RECQL: variants seen among roughly 807,000 people sequenced by gnomAD.
RECQL encodes the protein RecQ like helicase.
In RECQL, 73 loss-of-function variants were observed where a neutral mutation model predicts 75.8. The observed-to-expected ratio is 0.96, with a 90% confidence interval of 0.80 to 1.17. The LOEUF (loss-of-function observed/expected upper bound fraction) is 1.17, where lower values mean the gene tolerates loss of function less well. Ranked by LOEUF, RECQL falls within the 50% of genes most tolerant of loss-of-function variation. RECQL has a pLI of 0.00. For missense variants in RECQL, 699 were observed against 772.1 expected, an observed-to-expected ratio of 0.91 and a Z score of 1.12; for synonymous variants, 248 against 254.4, an observed-to-expected ratio of 0.97 and a Z score of 0.24.
chr12:21,488,624 C>T (rs940623062), intron 4 of RECQL, among the ~76,000 whole-genome samples: 1 of 152,144 alleles, frequency 6.6e-6, no homozygotes, highest in East Asian at 1.9e-4. Context: ...GCCAATGTAC[C>T]CCATTTCAGT....
chr12:21,497,259 C>G (rs1268827927), intron 2 of RECQL, among the ~76,000 whole-genome samples: 2 of 152,146 alleles, frequency 1.3e-5, no homozygotes, highest in Admixed American at 6.5e-5. Flanking sequence ...CCATGCTCCC[C>G]TTTGCCTCCT....
At position 21,471,112 on chromosome 12, in the gene RECQL, AG is replaced by A. The variant is rs1222691495; in HGVS notation, c.1668-15del. 1.3e-6 allele frequency: 2 copies of A among 1,555,452 alleles called. No individual in the cohort carries two copies. Among genetic ancestry groups the A allele is most frequent in the African/African-American group, 2.8e-5 (2 of 70,940 alleles). ...CTGTAGTCTTCTCTGCAGAAAATAA[AG>A]GCCAACAATAAGAAAGCTTTTGAAG... On this transcript the variant is annotated splice_polypyrimidine_tract_variant and intron_variant, in intron 13 of 14. Transcript: ENST00000444129.
At position 21,477,975 on chromosome 12, in the gene RECQL, AAAAC is replaced by A. The variant is rs770192412; in HGVS notation, c.701-10_701-7del. The A allele has an allele frequency of 7.2e-5, 114 of 1,591,470 alleles. No homozygotes were observed. Among genetic ancestry groups the A allele is most frequent in the East Asian group, 3.4e-4 (15 of 44,650 alleles). ...GATACCAAGTGCCTTATAATCTGAA[AAAAC>A]AAACAAAGTGGCCCTTTTTCTATCC... is the stretch of plus-strand genomic sequence containing the variant. On this transcript the variant is annotated splice_polypyrimidine_tract_variant and splice_region_variant and intron_variant, in intron 6 of 14. Transcript: ENST00000444129.
rs965549896 is a variant in RECQL, at chr12:21,501,557, C to G, written c.-433G>C. 3.8e-6 allele frequency: 1 copy of G among 264,218 alleles called. No individual in the cohort carries two copies. The highest frequency in any genetic ancestry group is 7.4e-6 in the Non-Finnish European group (1 of 134,614). The allele number at this position is 264,218 out of a possible 1,614,324, so 16.4% of individuals were successfully genotyped here. On this transcript the variant is annotated 5_prime_UTR_variant, in exon 1 of 15. Transcript: ENST00000444129. ...ATCTCCGACTCTCGGATCTCCGACA[C>G]CAAAGCACCCAGGCCTCGAGCAGAT...
intron 1 of RECQL, among the ~76,000 whole-genome samples, chr12:21,500,037 TCTTTCC>T (rs1943578493): frequency 6.6e-6 from 1 of 152,258 alleles, no homozygotes; most frequent in African/African-American, 2.4e-5. Flanking sequence ...CCTCCAAGCC[TCTTTCC>T]CTACCTGTAA....
At chr12:21,492,393 A>T (rs1943430717) in intron 2 of RECQL, among the ~76,000 whole-genome samples, 1 of 152,238 alleles carries the variant, frequency 6.6e-6, no homozygotes, top group South Asian at 2.1e-4. Flanking sequence ...ACATCGATGG[A>T]AGCTAGAAAA....
chr12:21,480,518 A>AT (rs377127692), intron 6 of RECQL, among the ~76,000 whole-genome samples: 135 of 148,440 alleles, frequency 9.1e-4, no homozygotes, highest in African/African-American at 2.9e-3. Context: ...TGTGTCATCC[A>AT]TTTTTTTTTT....
intron 6 of RECQL, among the ~76,000 whole-genome samples, chr12:21,482,630 G>A (rs1943213534): frequency 6.6e-6 from 1 of 152,176 alleles, no homozygotes; most frequent in African/African-American, 2.4e-5. Flanking sequence ...AAATATAACA[G>A]AAGTAAGGGG....
chr12:21,472,162 C>T (rs1942984884), intron 12 of RECQL, among the ~76,000 whole-genome samples: 1 of 152,028 alleles, frequency 6.6e-6, no homozygotes, highest in South Asian at 2.1e-4. Flanking sequence ...CAGTGGCTTC[C>T]ACCTAACAAG....
At chr12:21,471,385 CA>C (rs1438362317) in intron 13 of RECQL, 42 bp downstream of exon 13, 1 of 1,542,488 alleles carries the variant, frequency 6.5e-7, no homozygotes, top group African/African-American at 1.4e-5. Flanking sequence ...AAAAAAAAAC[CA>C]TAAAGACAAC....
At position 21,474,920 on chromosome 12, in the gene RECQL, T is replaced by C; in HGVS notation, c.1276A>G (p.Ile426Val). The change falls in exon 11 of 15, where the codon ATA becomes GTA. Residue 426 changes from isoleucine (I) to valine (V), a missense_variant. Physicochemically the swap from Ile to Val is conservative, Grantham distance 29. This residue lies in a region of RECQL where 669 missense variants were observed against 713.5 expected (regional missense o/e 0.94). Coordinates refer to ENST00000444129, the MANE Select transcript of RECQL (RefSeq NM_002907.4). ...TTTTCCATCACCACCATTGAACTTA[T>C]TCTGAATATATCTCCAAAGCCGTAG... ...LYYGFGDIFRISSMVVMENVG... is the reference protein window; with the variant it reads ...LYYGFGDIFRVSSMVVMENVG... 1.2e-6 allele frequency: 2 copies of C among 1,613,188 alleles called. No homozygotes were observed. The highest frequency in any genetic ancestry group is 2.2e-5 in the East Asian group (1 of 44,856).
chr12:21,495,791 T>C (rs961916597), intron 2 of RECQL, among the ~76,000 whole-genome samples: 2 of 152,180 alleles, frequency 1.3e-5, no homozygotes, highest in African/African-American at 4.8e-5. Context: ...AGACATATTT[T>C]CTGTATTTAA....
intron 7 of RECQL, 72 bp downstream of exon 7, chr12:21,477,731 A>T: frequency 7.8e-7 from 1 of 1,279,654 alleles, no homozygotes; most frequent in Non-Finnish European, 1.1e-6. Context: ...ATGTAAATAA[A>T]CATAATAAAA....
chr12:21,492,557 G>T (rs543903673), intron 2 of RECQL, among the ~76,000 whole-genome samples: 26 of 152,344 alleles, frequency 1.7e-4, no homozygotes, highest in Non-Finnish European at 2.6e-4. Context: ...ATCATCCCTT[G>T]TATCAACCCT....
rs1942875973 is a variant in RECQL at position 21,469,503 on chromosome 12, C to G, written c.*691G>C. The G allele has an allele frequency of 6.7e-6, 1 of 148,428 alleles. No homozygotes were observed. The highest frequency in any genetic ancestry group is 6.8e-5 in the Admixed American group (1 of 14,750). The allele number at this position is 148,428 out of a possible 1,614,324, so 9.2% of individuals were successfully genotyped here. ...GGACATCCCTGATCTACATATTTAA[C>G]TTAAAGTATCACTCAGTGAACCTCT... On this transcript the variant is annotated 3_prime_UTR_variant, in exon 15 of 15. Coordinates refer to ENST00000444129, the MANE Select transcript of RECQL (RefSeq NM_002907.4).
chr12:21,492,371 C>T (rs1034052258), intron 2 of RECQL, among the ~76,000 whole-genome samples: 1 of 152,124 alleles, frequency 6.6e-6, no homozygotes, highest in Non-Finnish European at 1.5e-5. Flanking sequence ...AAGTGAGATG[C>T]TTTTTGATAC....
At position 21,483,537 on chromosome 12, in the gene RECQL, T is replaced by C. The variant is rs745741107; in HGVS notation, c.539A>G (p.Lys180Arg). The change falls in exon 6 of 15, where the codon AAA (lysine) becomes AGA (arginine). Residue 180 changes from lysine to arginine, a missense_variant. Physicochemically the swap from Lys to Arg is conservative, Grantham distance 26. This residue lies in a region of RECQL where 669 missense variants were observed against 713.5 expected (regional missense o/e 0.94). Transcript: ENST00000444129. The part of the protein sequence containing the change: ...VKWVHAEMVN[K>R]NSELKLIYVT... ...ATAAATCAGCTTTAACTCGGAGTTT[T>C]TATTTACCATTTCAGCATGAACCCA... 3 of 1,580,712 alleles carry C rather than the reference T, an allele frequency of 1.9e-6. No individual in the cohort carries two copies. The highest frequency in any genetic ancestry group is 2.4e-5 in the South Asian group (2 of 84,722).
intron 11 of RECQL, among the ~76,000 whole-genome samples, chr12:21,474,188 A>G (rs189526225): frequency 6.6e-6 from 1 of 152,216 alleles, no homozygotes; most frequent in Admixed American, 6.6e-5. Flanking sequence ...ACCTTAAAAT[A>G]TGCTTCATGA....
intron 4 of RECQL, among the ~76,000 whole-genome samples, chr12:21,489,929 T>G (rs1032869848): frequency 6.6e-6 from 1 of 152,160 alleles, no homozygotes; most frequent in East Asian, 1.9e-4. Flanking sequence ...TGTTTACTAC[T>G]TGGACGATGG....
Sources: gnomAD v4.1 joint callset for allele counts (sites outside exome capture counted in the v4.1 genomes callset) on GRCh38, gnomAD v4.1.1 for gene constraint, gnomAD v4.1.1 regional missense constraint, MANE v1.5 for transcripts, NCBI Gene and HGNC (gene_info 2026-07-23, HGNC 2026-07-21) for gene names.